Variants in CDH18 observed in about 807,000 individuals in gnomAD.
CDH18 encodes the protein cadherin-18.
Under a neutral mutation model 67.9 loss-of-function variants are expected in CDH18, and 31 were observed. That is an observed-to-expected ratio of 0.46 (90% confidence interval 0.34 to 0.62). The LOEUF is 0.62. Ranked by LOEUF, CDH18 falls within the 20% of genes least tolerant of loss-of-function variation. CDH18 has a pLI of 0.01. For synonymous variants in CDH18, 362 were observed against 347.2 expected (o/e 1.04, Z -0.48); for missense variants, 890 against 975.5 (o/e 0.91, Z 1.17).
intron 3 of CDH18, among the ~76,000 whole-genome samples, chr5:19,796,221 G>T (rs1400073675): frequency 2.0e-5 from 3 of 152,052 alleles, no homozygotes; most frequent in Admixed American, 6.6e-5. Flanking sequence ...GATCCAAGAA[G>T]CTGAGAGAAT....
intron 1 of CDH18, among the ~76,000 whole-genome samples, chr5:20,460,402 A>C (rs1251876689): frequency 1.6e-4 from 5 of 30,664 alleles, no homozygotes; most frequent in East Asian, 6.8e-4. Context: ...TAAATACATA[A>C]ATAAATAAAT....
intron 10 of CDH18, among the ~76,000 whole-genome samples, chr5:19,509,692 A>G (rs534398363): frequency 1.3e-5 from 2 of 152,266 alleles, no homozygotes; most frequent in South Asian, 4.1e-4. Context: ...TTATTTTTGT[A>G]CATTTATTTC....
chr5:19,863,899 G>C (rs997864281), intron 2 of CDH18, among the ~76,000 whole-genome samples: 4 of 152,094 alleles, frequency 2.6e-5, no homozygotes, highest in Non-Finnish European at 4.4e-5. Flanking sequence ...ACTCGATGTG[G>C]AGAAATAGGA....
At chr5:19,524,947 A>G (rs189299093) in intron 9 of CDH18, among the ~76,000 whole-genome samples, 117 of 152,226 alleles carry the variant, frequency 7.7e-4, no homozygotes, top group African/African-American at 2.3e-3. Flanking sequence ...GGGTTTCACC[A>G]TGTTAGACAA....
At chr5:20,493,777 G>T (rs1753734271) in intron 1 of CDH18, among the ~76,000 whole-genome samples, 1 of 152,100 alleles carries the variant, frequency 6.6e-6, no homozygotes. Context: ...CCTTAGAGTT[G>T]ATGGTTTGGT....
At chr5:19,482,039 A>G (rs1739513246) in intron 12 of CDH18, among the ~76,000 whole-genome samples, 1 of 152,174 alleles carries the variant, frequency 6.6e-6, no homozygotes. Context: ...TTATTACAAC[A>G]GATAATGTAA....
chr5:19,591,678 C>A (rs1429564273), intron 6 of CDH18, among the ~76,000 whole-genome samples: 1 of 151,724 alleles, frequency 6.6e-6, no homozygotes, highest in Non-Finnish European at 1.5e-5. Flanking sequence ...AACAGAAAAA[C>A]AAGATAAAAT....
chr5:20,427,486 A>G (rs1748391402), intron 1 of CDH18, among the ~76,000 whole-genome samples: 1 of 151,254 alleles, frequency 6.6e-6, no homozygotes, highest in South Asian at 2.1e-4. Flanking sequence ...AATTCAAGCA[A>G]ATTTTCAAAT....
chr5:20,219,747 T>C (rs1480150844), intron 2 of CDH18, among the ~76,000 whole-genome samples: 9 of 151,890 alleles, frequency 5.9e-5, no homozygotes, highest in Non-Finnish European at 8.8e-5. Context: ...ATCATTTCAA[T>C]TGATGCAAAA....
chr5:19,949,406 A>G (rs1414497481), intron 2 of CDH18, among the ~76,000 whole-genome samples: 1 of 152,230 alleles, frequency 6.6e-6, no homozygotes, highest in South Asian at 2.1e-4. Context: ...TTTCTCTCCT[A>G]TTTTAAAAAG....
intron 2 of CDH18, among the ~76,000 whole-genome samples, chr5:19,923,170 T>C (rs1342500768): frequency 6.6e-6 from 1 of 152,176 alleles, no homozygotes; most frequent in Non-Finnish European, 1.5e-5. Context: ...GCTCTTTAAC[T>C]GACAGGCACA....
intron 3 of CDH18, among the ~76,000 whole-genome samples, chr5:19,800,884 C>T (rs1321399135): frequency 1.3e-5 from 2 of 152,088 alleles, no homozygotes; most frequent in Non-Finnish European, 2.9e-5. Context: ...TTTGGGAGGC[C>T]GAGTCGGGCA....
chr5:20,427,724 A>G (rs909969514), intron 1 of CDH18, among the ~76,000 whole-genome samples: 13 of 151,118 alleles, frequency 8.6e-5, no homozygotes, highest in African/African-American at 3.0e-4. Context: ...CACTGACTTT[A>G]TAAGTGATTA....
chr5:19,875,496 G>C (rs929736024), intron 2 of CDH18, among the ~76,000 whole-genome samples: 2 of 151,830 alleles, frequency 1.3e-5, no homozygotes, highest in Admixed American at 6.6e-5. Flanking sequence ...AGATTATAAA[G>C]ATTTAAAGCC....
intron 2 of CDH18, among the ~76,000 whole-genome samples, chr5:19,887,207 T>C (rs1241743322): frequency 3.3e-5 from 5 of 151,652 alleles, no homozygotes; most frequent in Non-Finnish European, 1.5e-5. Context: ...ATACAACTTA[T>C]AATTAGCTTA....
intron 1 of CDH18, among the ~76,000 whole-genome samples, chr5:20,441,795 A>C (rs1749625717): frequency 6.6e-6 from 1 of 151,880 alleles, no homozygotes; most frequent in Non-Finnish European, 1.5e-5. Flanking sequence ...TCAATAAAAA[A>C]ATCCAGAATT....
chr5:20,393,179 AG>A (rs1188597431), intron 1 of CDH18, among the ~76,000 whole-genome samples: 1 of 151,966 alleles, frequency 6.6e-6, no homozygotes, highest in Non-Finnish European at 1.5e-5. Flanking sequence ...TGAATGTCAT[AG>A]GATAAAGATA....
At chr5:19,666,974 A>G (rs1758042476) in intron 5 of CDH18, among the ~76,000 whole-genome samples, 1 of 152,126 alleles carries the variant, frequency 6.6e-6, no homozygotes, top group Non-Finnish European at 1.5e-5. Context: ...ATTCAGCTTT[A>G]AATTATGGTG....
At chr5:20,343,929 A>G (rs748653383) in intron 1 of CDH18, among the ~76,000 whole-genome samples, 5 of 152,220 alleles carry the variant, frequency 3.3e-5, no homozygotes, top group Admixed American at 6.5e-5. Context: ...CAAAAGAAAC[A>G]GATTAGCAGA....
Sources: allele counts gnomAD v4.1 joint callset (sites outside exome capture counted in the v4.1 genomes callset), GRCh38; gene constraint gnomAD v4.1.1; transcripts MANE v1.5; gene names NCBI Gene and HGNC (gene_info 2026-07-23, HGNC 2026-07-21).